Variants in DCC observed in about 807,000 individuals in gnomAD.
DCC encodes DCC netrin 1 receptor, also known as netrin receptor DCC.
A neutral mutation model predicts 172.5 loss-of-function variants in DCC; 58 were observed. The observed-to-expected ratio is 0.34, with a 90% CI of 0.27 to 0.42. The LOEUF (loss-of-function observed/expected upper bound fraction) is 0.42, where lower values mean the gene tolerates loss of function less well. Ranked by LOEUF, DCC falls within the 10% of genes least tolerant of loss-of-function variation. The pLI is 1.00. For missense variants in DCC, 1,740 were observed against 1,791.0 expected (o/e 0.97, Z 0.51); for synonymous variants, 709 against 644.5 (o/e 1.10, Z -1.52).
chr18:52,482,495 G>A (rs562667377), intron 1 of DCC, among the ~76,000 whole-genome samples: 2 of 152,260 alleles, frequency 1.3e-5, no homozygotes, highest in African/African-American at 2.4e-5. Context: ...AGATCAAAGT[G>A]CTGGCAGATG....
At chr18:52,552,072 T>A (rs1204301516) in intron 1 of DCC, among the ~76,000 whole-genome samples, 1 of 152,042 alleles carries the variant, frequency 6.6e-6, no homozygotes, top group Non-Finnish European at 1.5e-5. Context: ...TTGAAACAAG[T>A]AATTCCAAGT....
intron 1 of DCC, among the ~76,000 whole-genome samples, chr18:52,361,167 A>G (rs368166177): frequency 1.3e-5 from 2 of 152,324 alleles, no homozygotes; most frequent in South Asian, 4.1e-4. Context: ...ATTTCTACCT[A>G]AAAAGATATA....
chr18:52,743,070 T>G (rs574785327), intron 1 of DCC, among the ~76,000 whole-genome samples: 1 of 152,304 alleles, frequency 6.6e-6, no homozygotes, highest in South Asian at 2.1e-4. Context: ...TATGGGTAAC[T>G]TGATAAGAGA....
chr18:52,713,426 G>A (rs2036328301), intron 1 of DCC, among the ~76,000 whole-genome samples: 1 of 152,172 alleles, frequency 6.6e-6, no homozygotes, highest in Non-Finnish European at 1.5e-5. Context: ...CAAGAAAACA[G>A]AAAGCAGAAA....
chr18:53,310,082 C>T (rs1354018409), intron 13 of DCC, among the ~76,000 whole-genome samples: 3 of 151,614 alleles, frequency 2.0e-5, no homozygotes, highest in Non-Finnish European at 4.4e-5. Flanking sequence ...TCCCTCCTCT[C>T]CCCTGCTCTG....
intron 1 of DCC, among the ~76,000 whole-genome samples, chr18:52,677,316 C>A (rs1356579541): frequency 2.6e-5 from 4 of 151,928 alleles, no homozygotes; most frequent in African/African-American, 9.7e-5. Context: ...AGTGTGCATA[C>A]ATTACAAAAA....
chr18:52,666,924 A>T (rs1298047255), intron 1 of DCC, among the ~76,000 whole-genome samples: 1 of 152,192 alleles, frequency 6.6e-6, no homozygotes, highest in Admixed American at 6.5e-5. Flanking sequence ...AAATTATCTC[A>T]TATAATTGTA....
intron 1 of DCC, among the ~76,000 whole-genome samples, chr18:52,738,898 T>G (rs1348084129): frequency 5.9e-5 from 1 of 16,876 alleles, no homozygotes; most frequent in African/African-American, 1.1e-4. Context: ...CATCTGGCTA[T>G]TTAAAAAAAA....
At chr18:53,470,345 T>G (rs2145189011) in intron 25 of DCC, among the ~76,000 whole-genome samples, 1 of 152,256 alleles carries the variant, frequency 6.6e-6, no homozygotes, top group East Asian at 1.9e-4. Flanking sequence ...AGCCTGGACT[T>G]CATTGTCCAT....
At chr18:52,771,871 G>GAAAAA (rs55924643) in intron 2 of DCC, among the ~76,000 whole-genome samples, 2 of 131,000 alleles carry the variant, frequency 1.5e-5, no homozygotes, top group Admixed American at 7.5e-5. Flanking sequence ...AGAAACTTGT[G>GAAAAA]AAAAAAAAAA....
chr18:52,349,525 T>C (rs1391225320), intron 1 of DCC, among the ~76,000 whole-genome samples: 2 of 152,218 alleles, frequency 1.3e-5, no homozygotes, highest in Non-Finnish European at 2.9e-5. Flanking sequence ...TTTCTCTCTC[T>C]GGTTTGAGGC....
chr18:52,474,205 CTA>C (rs1491255764), intron 1 of DCC, among the ~76,000 whole-genome samples: 18 of 68,668 alleles, frequency 2.6e-4, no homozygotes, highest in African/African-American at 9.1e-4. Flanking sequence ...TGTAACAGAC[CTA>C]GAGAGAGAGA....
chr18:53,244,631 G>A (rs1005045735), intron 12 of DCC, among the ~76,000 whole-genome samples: 1 of 152,062 alleles, frequency 6.6e-6, no homozygotes, highest in African/African-American at 2.4e-5. Flanking sequence ...ATTTGGGACT[G>A]TTCACTTATG....
intron 3 of DCC, among the ~76,000 whole-genome samples, chr18:52,910,095 C>T (rs183476699): frequency 2.6e-5 from 4 of 152,190 alleles, no homozygotes; most frequent in African/African-American, 9.6e-5. Context: ...AGGTGGAATG[C>T]TACAGCGCTC....
At chr18:53,407,646 CAT>C (rs1305302776) in intron 19 of DCC, among the ~76,000 whole-genome samples, 33 of 148,222 alleles carry the variant, frequency 2.2e-4, no homozygotes, top group African/African-American at 7.1e-4. Flanking sequence ...ATATCTATAA[CAT>C]ATTTATCTTA....
chr18:52,721,267 T>C (rs1409006004), intron 1 of DCC, among the ~76,000 whole-genome samples: 1 of 152,220 alleles, frequency 6.6e-6, no homozygotes, highest in African/African-American at 2.4e-5. Flanking sequence ...AACTCTATAC[T>C]TGCAATCTTT....
chr18:53,199,777 T>C (rs1013735732), intron 9 of DCC, among the ~76,000 whole-genome samples: 2 of 152,126 alleles, frequency 1.3e-5, no homozygotes, highest in Non-Finnish European at 2.9e-5. Flanking sequence ...AAGCAAGCAC[T>C]ATTTTGGTCT....
At chr18:52,811,120 T>C (rs2038189770) in intron 2 of DCC, among the ~76,000 whole-genome samples, 1 of 152,128 alleles carries the variant, frequency 6.6e-6, no homozygotes, top group Non-Finnish European at 1.5e-5. Context: ...ATATGTTTGC[T>C]TAAAAAAACA....
intron 1 of DCC, among the ~76,000 whole-genome samples, chr18:52,585,899 C>T (rs767549118): frequency 6.6e-6 from 1 of 151,912 alleles, no homozygotes; most frequent in African/African-American, 2.4e-5. Context: ...TTGGCTAACA[C>T]GGTGAAACCC....
Sources: gnomAD v4.1 joint callset for allele counts (sites outside exome capture counted in the v4.1 genomes callset) on GRCh38, gnomAD v4.1.1 for gene constraint, MANE v1.5 for transcripts, NCBI Gene and HGNC (gene_info 2026-07-23, HGNC 2026-07-21) for gene names.